SOD2: variants seen among roughly 807,000 people sequenced by gnomAD.
The protein encoded by SOD2 is superoxide dismutase 2.
Under a neutral mutation model 27.0 loss-of-function variants are expected in SOD2, and 11 were observed. The observed-to-expected ratio is 0.41, with a 90% CI of 0.26 to 0.67. The LOEUF (loss-of-function observed/expected upper bound fraction) is 0.67. Ranked by LOEUF, SOD2 falls within the 30% of genes least tolerant of loss-of-function variation. SOD2 has a pLI of 0.34. For synonymous variants in SOD2, 105 were observed against 103.0 expected (o/e 1.02, Z -0.12); for missense variants, 250 against 274.5 (o/e 0.91, Z 0.63).
chr6:159,720,022 CCTTG>C (rs1383185344), intron 1 of SOD2, among the ~76,000 whole-genome samples: 1 of 149,708 alleles, frequency 6.7e-6, no homozygotes, highest in African/African-American at 2.5e-5. Context: ...CCATGCCCAG[CCTTG>C]CTTTTTTTTT....
chr6:159,726,930 A>C (rs999813487), intron 1 of SOD2: 27 of 1,288,572 alleles, frequency 2.1e-5, no homozygotes, highest in African/African-American at 3.0e-5. Context: ...TGGTCCTCCG[A>C]CACGCGGAAG....
exon 1 of SOD2, chr6:159,761,647 G>A (rs1304274257): frequency 3.6e-5 from 16 of 447,358 alleles, no homozygotes; most frequent in South Asian, 2.4e-4. Flanking sequence ...CTGAACGAGA[G>A]ATAAGTCTTT....
intron 1 of SOD2, chr6:159,736,417 G>A (rs540460170): frequency 2.5e-6 from 2 of 799,150 alleles, no homozygotes; most frequent in African/African-American, 3.5e-5. Flanking sequence ...TCATTTCTTT[G>A]CCTTTATAAC....
intron 1 of SOD2, among the ~76,000 whole-genome samples, chr6:159,700,642 G>T: frequency 8.1e-6 from 1 of 123,700 alleles, no homozygotes; most frequent in East Asian, 2.4e-4. Context: ...TGACGTGCGA[G>T]ACTCTGTCTC....
At chr6:159,747,685 C>G (rs1472842922), upstream of SOD2, among the ~76,000 whole-genome samples, 1 of 152,140 alleles carries the variant, frequency 6.6e-6, no homozygotes, top group Non-Finnish European at 1.5e-5. Flanking sequence ...ATTAAGCAAA[C>G]CAAAGACTTC....
upstream of SOD2, chr6:159,727,485 C>T (rs1459792122): frequency 1.6e-4 from 162 of 988,782 alleles, no homozygotes; most frequent in Non-Finnish European, 1.9e-4. Flanking sequence ...GGGGCGGGGC[C>T]GGGCGGCGGG....
rs1406147908 is a variant in SOD2 at position 159,670,388 on chromosome 6, T to G, written c.*12105A>C. ...TAACAGTAACTAGGAGCTAAAAGAT[T>G]CATTTGTTTTTTTCCTCCAGGCATC... On this transcript the variant is annotated 3_prime_UTR_variant, in exon 5 of 5. Coordinates refer to ENST00000538183, the MANE Select transcript of SOD2 (RefSeq NM_000636.4). The G allele has an allele frequency of 1.3e-5, 2 of 152,190 alleles. No individual in the cohort carries two copies. Among genetic ancestry groups the G allele is most frequent in the Non-Finnish European group, 2.9e-5 (2 of 68,044 alleles). The allele number at this position is 152,190 out of a possible 1,614,324, so 9.4% of individuals were successfully genotyped here.
At chr6:159,692,412 A>T (rs1057475766) in intron 2 of SOD2, 1 of 1,393,950 alleles carries the variant, frequency 7.2e-7, no homozygotes, top group Non-Finnish European at 9.4e-7. Flanking sequence ...TCACAACAGT[A>T]AGGCAAGCTC....
At chr6:159,727,141 G>A (rs1336952072) in exon 1 of SOD2, 1 of 1,195,022 alleles carries the variant, frequency 8.4e-7, no homozygotes. Flanking sequence ...AGCTTGCTGA[G>A]CTCCGGGGCC....
intron 3 of SOD2, among the ~76,000 whole-genome samples, chr6:159,685,896 T>G: frequency 6.6e-6 from 1 of 152,204 alleles, no homozygotes; most frequent in East Asian, 1.9e-4. Flanking sequence ...ACTATCTTTG[T>G]TAGGAAAGAA....
At chr6:159,711,750 G>A (rs1165790760) in intron 1 of SOD2, among the ~76,000 whole-genome samples, 1 of 94,622 alleles carries the variant, frequency 1.1e-5, no homozygotes, top group African/African-American at 4.2e-5. Context: ...CACTCACATT[G>A]CTCTGATCAC....
chr6:159,749,893 C>T (rs1178560388), upstream of SOD2, among the ~76,000 whole-genome samples: 3 of 152,140 alleles, frequency 2.0e-5, no homozygotes, highest in Non-Finnish European at 2.9e-5. Context: ...TTCAAATTTT[C>T]GCTTGGTGAT....
At chr6:159,729,848 T>C (rs1030036521), upstream of SOD2, among the ~76,000 whole-genome samples, 1 of 152,176 alleles carries the variant, frequency 6.6e-6, no homozygotes, top group East Asian at 1.9e-4. Context: ...TGGCTGGCGC[T>C]TGCCTCCGTT....
intron 1 of SOD2, among the ~76,000 whole-genome samples, chr6:159,756,620 G>T (rs191171082): frequency 0.013 from 670 of 50,466 alleles, 7 homozygotes; most frequent in Middle Eastern, 0.13. Context: ...TTTTTTAATT[G>T]AGACAGGGTC....
In SOD2 at chr6:159,733,188, T is replaced by C. The variant is rs1194528770; in HGVS notation, c.-116+11942A>G. Among the ~76,000 whole-genome samples, 5 of 152,148 alleles carry C rather than the reference T, an allele frequency of 3.3e-5. 1 individual carries two copies. The South Asian group carries it at 8.3e-4, about 25-fold the overall frequency. On this transcript the variant is annotated intron_variant, in intron 1 of 3. Transcript: ENST00000537657. ...CAATTTAAAGAAAAAAAGAATAATA[T>C]ACATTTTATATCATAGTAATATGGT...
intron 1 of SOD2, among the ~76,000 whole-genome samples, chr6:159,758,257 A>AG (rs1780055212): frequency 1.3e-5 from 1 of 74,824 alleles, no homozygotes; most frequent in Non-Finnish European, 2.4e-5. Flanking sequence ...GCTGCTGTGA[A>AG]AAAAAAAAAA....
chr6:159,755,773 T>TTTTTTTTTTTTTTTTTTG, intron 1 of SOD2: 1 of 1,005,782 alleles, frequency 9.9e-7, no homozygotes. Flanking sequence ...TTCTTTTTTT[T>TTTTTTTTTTTTTTTTTTG]TTTTTTTTTT....
intron 1 of SOD2, chr6:159,742,174 A>C: frequency 6.5e-7 from 1 of 1,548,918 alleles, no homozygotes; most frequent in Admixed American, 1.9e-5. Context: ...CTTCCTAAAG[A>C]CTGAATAATC....
At chr6:159,723,852 G>C (rs560827055) in intron 1 of SOD2, among the ~76,000 whole-genome samples, 1 of 152,188 alleles carries the variant, frequency 6.6e-6, no homozygotes, top group African/African-American at 2.4e-5. Flanking sequence ...TTAAACTCCT[G>C]GGCTCATTTG....
Sources: gnomAD v4.1 joint callset for allele counts (sites outside exome capture counted in the v4.1 genomes callset) on GRCh38, gnomAD v4.1.1 for gene constraint, MANE v1.5 for transcripts, NCBI Gene and HGNC (gene_info 2026-07-23, HGNC 2026-07-21) for gene names.